CHRDL2: variants seen among roughly 807,000 people sequenced by gnomAD.
The protein encoded by CHRDL2 is chordin-like protein 2.
In CHRDL2, 41 loss-of-function variants were observed where a neutral mutation model predicts 54.3. The ratio of observed to expected loss-of-function variants is 0.76; its 90% CI spans 0.59 to 0.98. The LOEUF (loss-of-function observed/expected upper bound fraction) is 0.98, where lower values mean the gene tolerates loss of function less well. Among genes scored for constraint, CHRDL2 ranks in the 50% least tolerant of loss-of-function variants. CHRDL2 has a pLI of 0.00. For missense variants in CHRDL2, 518 were observed against 562.4 expected (o/e 0.92, Z 0.80); for synonymous variants, 220 against 224.3 (o/e 0.98, Z 0.17).
chr11:74,721,372 C>A (rs890165038), intron 1 of CHRDL2, among the ~76,000 whole-genome samples: 4 of 152,244 alleles, frequency 2.6e-5, no homozygotes, highest in African/African-American at 9.6e-5. Flanking sequence ...CCCCCTTCAC[C>A]TCACCGCCTG....
chr11:74,719,099 T>G (rs2034441507), intron 1 of CHRDL2: 4 of 423,610 alleles, frequency 9.4e-6, no homozygotes, highest in Non-Finnish European at 1.7e-5. Flanking sequence ...AGTTAGGGAA[T>G]CAAGCAGTGA....
chr11:74,704,145 C>A (rs1429982964), intron 7 of CHRDL2, among the ~76,000 whole-genome samples: 2 of 152,200 alleles, frequency 1.3e-5, no homozygotes, highest in East Asian at 3.8e-4. Context: ...CCCTCAAGGG[C>A]AGAGACCATT....
intron 3 of CHRDL2, 42 bp downstream of exon 3, chr11:74,713,344 G>T: frequency 1.9e-6 from 3 of 1,555,958 alleles, no homozygotes; most frequent in Non-Finnish European, 2.7e-6. Flanking sequence ...CTGGGAGTAG[G>T]AGAAAGGTCC....
At chr11:74,701,533 G>A in intron 9 of CHRDL2, 1 of 710,884 alleles carries the variant, frequency 1.4e-6, no homozygotes, top group Non-Finnish European at 2.6e-6. Context: ...GAGTAGAGCA[G>A]GGAAAGAGCC....
chr11:74,727,632 T>C (rs2034592115), intron 1 of CHRDL2, among the ~76,000 whole-genome samples: 1 of 152,076 alleles, frequency 6.6e-6, no homozygotes, highest in Non-Finnish European at 1.5e-5. Flanking sequence ...CTCAAACTCC[T>C]GGGCTCAAGT....
rs200494377 is a variant in CHRDL2 at position 74,703,535 on chromosome 11, G to T, written c.752-36C>A. ...AGGGTGAGAAGGAAGGAGGATCAGG[G>T]CCTCAGACCTGGCCAGGGCCTCTGG... On this transcript the variant is annotated intron_variant, in intron 7 of 10. Transcript: ENST00000376332. 62 of 1,510,612 alleles carry T rather than the reference G, an allele frequency of 4.1e-5. No homozygotes were observed. In the East Asian group the frequency reaches 1.4e-3, roughly 35 times the overall value. The allele number at this position is 1,510,612 out of a possible 1,614,324, so 93.6% of individuals were successfully genotyped here. A position where few individuals can be genotyped will look rare whatever the true frequency, so the allele number is the denominator to read the frequency against.
At chr11:74,724,999 CT>C (rs796745469) in intron 1 of CHRDL2, among the ~76,000 whole-genome samples, 440 of 145,022 alleles carry the variant, frequency 3.0e-3, no homozygotes, top group Middle Eastern at 3.6e-3. Context: ...TTCTTTCATT[CT>C]TTTTTTTTTT....
At chr11:74,707,477 G>T (rs1201504799) in intron 5 of CHRDL2, among the ~76,000 whole-genome samples, 1 of 152,174 alleles carries the variant, frequency 6.6e-6, no homozygotes, top group Non-Finnish European at 1.5e-5. Context: ...GCTAGCTGAT[G>T]TGTTGCCTCC....
At chr11:74,706,064 C>G (rs951262819) in intron 6 of CHRDL2, among the ~76,000 whole-genome samples, 1 of 151,956 alleles carries the variant, frequency 6.6e-6, no homozygotes, top group Non-Finnish European at 1.5e-5. Flanking sequence ...GGCCAAGATA[C>G]AGGGGGGTAC....
intron 8 of CHRDL2, 110 bp downstream of exon 8, chr11:74,703,195 G>T: frequency 7.6e-7 from 1 of 1,315,290 alleles, no homozygotes; most frequent in Non-Finnish European, 1.0e-6. Flanking sequence ...CTGTGGCACC[G>T]ATGCATGCCC....
chr11:74,710,375 C>T (rs2034148505), intron 4 of CHRDL2, among the ~76,000 whole-genome samples: 1 of 152,160 alleles, frequency 6.6e-6, no homozygotes, highest in Non-Finnish European at 1.5e-5. Flanking sequence ...GCCGAGTCAG[C>T]CCTGCCTGCC....
chr11:74,708,386 T>C lies in CHRDL2; in HGVS notation c.442A>G (p.Ile148Val), dbSNP rs549324393. 1.9e-6 allele frequency: 3 copies of C among 1,580,062 alleles called. No individual in the cohort carries two copies. Among genetic ancestry groups the C allele is most frequent in the African/African-American group, 1.4e-5 (1 of 73,514 alleles). ...GGGCAGGTTGTGAGGCCGCAGTAGA[T>C]CTGGCCCTCCTGACAGATAGAGCAA... ...CVLCSCTEGQ[I>V]YCGLTTCPEP... Residue 148 changes from isoleucine to valine, a missense_variant, in exon 5 of 11, where the codon ATC becomes GTC. Transcript: ENST00000376332.
chr11:74,706,523 C>A lies in CHRDL2; in HGVS notation c.546G>T (p.Ser182=). The change falls in exon 6 of 11, where the codon TCG becomes TCT. Residue 182 remains serine (S), a synonymous_variant. Coordinates refer to ENST00000376332, the MANE Select transcript of CHRDL2 (RefSeq NM_001278473.3). ...GCGACTGCACACTGTCCTCTTCATC[C>A]GATTGCTCACTTGCCTCATCTGAAA... is the stretch of plus-strand genomic sequence containing the variant. The part of the protein sequence containing the change: ...QACKDEASEQ[S]DEEDSVQSLH... The A allele has an allele frequency of 6.2e-7, 1 of 1,614,112 alleles. No individual in the cohort carries two copies. The highest frequency in any genetic ancestry group is 8.5e-7 in the Non-Finnish European group (1 of 1,179,972).
At chr11:74,704,751 GA>G in intron 6 of CHRDL2, 97 bp from the exon 7 acceptor site, 1 of 1,254,924 alleles carries the variant, frequency 8.0e-7, no homozygotes, top group Non-Finnish European at 1.1e-6. Context: ...AGGCTGTGGG[GA>G]GACCCCAGCA....
intron 9 of CHRDL2, chr11:74,699,132 T>C (rs2033714164): frequency 6.6e-6 from 1 of 152,340 alleles, no homozygotes; most frequent in South Asian, 2.1e-4. Context: ...GATTATATCA[T>C]AGCGGCAGGC....
At chr11:74,728,950 C>T (rs1411487994) in intron 1 of CHRDL2, among the ~76,000 whole-genome samples, 1 of 152,142 alleles carries the variant, frequency 6.6e-6, no homozygotes, top group African/African-American at 2.4e-5. Context: ...ACTGGCAGGA[C>T]CTGCTGAGAG....
rs750780474 is a variant in CHRDL2 at position 74,697,215 on chromosome 11, G to T, written c.1203C>A (p.Gly401=). The part of the protein sequence containing the change: ...KEAQHFRLLA[G]PHEGHWNVFL... The stretch of plus-strand genomic sequence containing the variant: ...AGCCCAAGCTCCTACCTTCGTGGGG[G>T]CCAGCGAGCAGTCGGAAGTGCTGTG... The change falls in exon 10 of 11, where the codon GGC becomes GGA. Residue 401 remains glycine, a synonymous_variant. Coordinates refer to ENST00000376332, the MANE Select transcript of CHRDL2 (RefSeq NM_001278473.3). 21 of 1,613,286 alleles carry T rather than the reference G, an allele frequency of 1.3e-5. No individual in the cohort carries two copies. Among genetic ancestry groups the T allele is most frequent in the Non-Finnish European group, 1.7e-5 (20 of 1,179,632 alleles).
intron 3 of CHRDL2, among the ~76,000 whole-genome samples, chr11:74,711,775 G>T (rs1299397211): frequency 2.0e-5 from 3 of 151,664 alleles, no homozygotes; most frequent in African/African-American, 7.3e-5. Context: ...AGGAGTTCGA[G>T]ACTGGCCTGG....
intron 4 of CHRDL2, 73 bp downstream of exon 4, chr11:74,710,776 G>A (rs923150843): frequency 1.6e-5 from 24 of 1,516,986 alleles, no homozygotes; most frequent in Non-Finnish European, 1.8e-5. Flanking sequence ...CCCCCAGTCC[G>A]CAGTCCAGGC....
Sources: gnomAD v4.1 joint callset for allele counts (sites outside exome capture counted in the v4.1 genomes callset) on GRCh38, gnomAD v4.1.1 for gene constraint, MANE v1.5 for transcripts, NCBI Gene and HGNC (gene_info 2026-07-23, HGNC 2026-07-21) for gene names.